HPCA: variants seen among roughly 807,000 people sequenced by gnomAD.
HPCA encodes the protein neuron-specific calcium-binding protein hippocalcin.
A neutral mutation model predicts 18.2 loss-of-function variants in HPCA; 4 were observed. That is an observed-to-expected ratio of 0.22 (90% CI 0.11 to 0.50). The LOEUF (loss-of-function observed/expected upper bound fraction) is 0.50, where lower values mean the gene tolerates loss of function less well. Ranked by LOEUF, HPCA falls within the 20% of genes least tolerant of loss-of-function variation. The probability of loss-of-function intolerance (pLI) is 0.97; values close to 1 mark genes in which losing one functional copy is unlikely to be tolerated. For missense variants in HPCA, 161 were observed against 265.8 expected, an observed-to-expected ratio of 0.61 and a Z score of 2.74; for synonymous variants, 93 against 103.5, an observed-to-expected ratio of 0.90 and a Z score of 0.61.
Position 32,886,634 on chromosome 1 carries a change from C to A in HPCA, c.-22+119C>A, listed in dbSNP as rs1557538244. On this transcript the variant is annotated intron_variant, in intron 1 of 3. Coordinates refer to ENST00000373467, the MANE Select transcript of HPCA (RefSeq NM_002143.3). This position sits in a 1 kb window ranked among gnomAD's most constrained non-coding sequence, Gnocchi z 7.0. ...TCCCGGGCTTCCCGGGAATCCTTGC[C>A]CCGGGTGGCGGGGGCGCTGGGGACT... is the stretch of plus-strand genomic sequence containing the variant. 6.6e-6 allele frequency: 1 copy of A among 152,232 alleles called. No homozygotes were observed. Among genetic ancestry groups the A allele is most frequent in the Admixed American group, 6.5e-5 (1 of 15,292 alleles). The allele number at this position is 152,232 out of a possible 1,614,324, so 9.4% of individuals were successfully genotyped here. A position where few individuals can be genotyped will look rare whatever the true frequency, so the allele number is the denominator to read the frequency against.
At chr1:32,888,702 G>C (rs140034353) in intron 1 of HPCA, among the ~76,000 whole-genome samples, 176 bp from the exon 2 acceptor site, 13 of 152,266 alleles carry the variant, frequency 8.5e-5, no homozygotes, top group Non-Finnish European at 1.9e-4. Context: ...GTGGAGCATG[G>C]CATAGATACA....
chr1:32,894,346 T>A lies in HPCA; in HGVS notation c.*484T>A. 1 of 188,544 alleles carries A rather than the reference T, an allele frequency of 5.3e-6. No homozygotes were observed. Among genetic ancestry groups the A allele is most frequent in the South Asian group, 1.3e-4 (1 of 7,618 alleles). 11.7% of individuals were successfully genotyped at this position (188,544 alleles called of 1,614,324 possible). A position where few individuals can be genotyped will look rare whatever the true frequency, so the allele number is the denominator to read the frequency against. ...TAGGCCAAGCCACCAAGTGAAACCT[T>A]CCAGGATACTAGCCCGCCAGCTGTG... On this transcript the variant is annotated 3_prime_UTR_variant, in exon 4 of 4. Coordinates refer to ENST00000373467, the MANE Select transcript of HPCA (RefSeq NM_002143.3).
rs911569002 is a variant in HPCA at position 32,894,641 on chromosome 1, A to G, written c.*779A>G. 4.0e-5 allele frequency: 33 copies of G among 816,058 alleles called. No individual in the cohort carries two copies. The highest frequency in any genetic ancestry group is 6.1e-5 in the Non-Finnish European group (32 of 525,664). The allele number at this position is 816,058 out of a possible 1,614,324, so 50.6% of individuals were successfully genotyped here. ...TAATTTCAGAATAAAGTCTCATTTCAGTGCAGTGGGCTGGGTGGTGGGGGA... is the reference window on the plus strand; with the variant it reads ...TAATTTCAGAATAAAGTCTCATTTCGGTGCAGTGGGCTGGGTGGTGGGGGA... On this transcript the variant is annotated 3_prime_UTR_variant, in exon 4 of 4. Coordinates refer to ENST00000373467, the MANE Select transcript of HPCA (RefSeq NM_002143.3).
chr1:32,892,724 G>A (rs1371116058), intron 2 of HPCA, among the ~76,000 whole-genome samples: 1 of 152,196 alleles, frequency 6.6e-6, no homozygotes, highest in African/African-American at 2.4e-5. Flanking sequence ...GATGGGAGAA[G>A]GGAGGCTTCT....
chr1:32,890,469 A>G (rs149115496), intron 2 of HPCA, among the ~76,000 whole-genome samples: 2 of 152,330 alleles, frequency 1.3e-5, no homozygotes, highest in East Asian at 3.9e-4. Flanking sequence ...TTTCACCTGT[A>G]AAGTGGGGGT....
intron 2 of HPCA, among the ~76,000 whole-genome samples, chr1:32,892,998 G>A (rs1486892428): frequency 2.0e-5 from 3 of 151,740 alleles, no homozygotes; most frequent in Admixed American, 6.6e-5. Context: ...CCGCCCCTCT[G>A]GGCCCAGCTG....
Position 32,893,654 on chromosome 1 carries a change from T to G in HPCA, c.484+25T>G, listed in dbSNP as rs890774466. 6.9e-7 allele frequency: 1 copy of G among 1,443,696 alleles called. No homozygotes were observed. The highest frequency in any genetic ancestry group is 1.7e-5 in the Admixed American group (1 of 59,548). 89.4% of individuals were successfully genotyped at this position (1,443,696 alleles called of 1,614,324 possible). A position where few individuals can be genotyped will look rare whatever the true frequency, so the allele number is the denominator to read the frequency against. Reference sequence around the variant, plus strand: ...GGTGAGGGGCAGGGGCGGGACGGGGTGGACGGGGCGGGCGCCTTTCCCTCC... The same window carrying G: ...GGTGAGGGGCAGGGGCGGGACGGGGGGGACGGGGCGGGCGCCTTTCCCTCC... On this transcript the variant is annotated intron_variant, in intron 3 of 3. Transcript: ENST00000373467. The surrounding 1 kb of genome is among the most constrained non-coding windows in gnomAD (Gnocchi z 7.5).
Position 32,889,342 on chromosome 1 carries a change from T to A in HPCA, c.378+66T>A. The A allele has an allele frequency of 6.6e-7, 1 of 1,520,342 alleles. No homozygotes were observed. Among genetic ancestry groups the A allele is most frequent in the Non-Finnish European group, 8.9e-7 (1 of 1,126,164 alleles). The allele number at this position is 1,520,342 out of a possible 1,614,324, so 94.2% of individuals were successfully genotyped here. On this transcript the variant is annotated intron_variant, in intron 2 of 3. Coordinates refer to ENST00000373467, the MANE Select transcript of HPCA (RefSeq NM_002143.3). The surrounding 1 kb of genome is among the most constrained non-coding windows in gnomAD (Gnocchi z 4.6). The stretch of plus-strand genomic sequence containing the variant: ...GGCAGCTTGCACCCACCACCCCTTT[T>A]GATCCTCTCAGCAGACCTCGTAGGC...
At chr1:32,892,614 G>A (rs959982105) in intron 2 of HPCA, among the ~76,000 whole-genome samples, 1 of 152,160 alleles carries the variant, frequency 6.6e-6, no homozygotes, top group Non-Finnish European at 1.5e-5. Context: ...TGTTCGGAAA[G>A]AGCTTTCAGA....
chr1:32,889,321 G>T lies in HPCA; in HGVS notation c.378+45G>T. On this transcript the variant is annotated intron_variant, in intron 2 of 3. Coordinates refer to ENST00000373467, the MANE Select transcript of HPCA (RefSeq NM_002143.3). This position sits in a 1 kb window ranked among gnomAD's most constrained non-coding sequence, Gnocchi z 4.6. The stretch of plus-strand genomic sequence containing the variant: ...AGAATGCCAGGCACAGGGCCCGGCA[G>T]CTTGCACCCACCACCCCTTTTGATC... 1 of 1,562,534 alleles carries T rather than the reference G, an allele frequency of 6.4e-7. No homozygotes were observed.
At position 32,893,822 on chromosome 1, in the gene HPCA, G is replaced by T. The variant is rs745544301; in HGVS notation, c.542G>T (p.Arg181Leu). The T allele has an allele frequency of 1.3e-6, 2 of 1,579,548 alleles. No individual in the cohort carries two copies. The highest frequency in any genetic ancestry group is 1.7e-6 in the Non-Finnish European group (2 of 1,163,562). Residue 181 changes from arginine (R) to leucine (L), a missense_variant, in exon 4 of 4, where the codon CGT becomes CTT. Arg to Leu is a moderately radical substitution (Grantham distance 102, BLOSUM62 -2). Transcript: ENST00000373467. This position sits in a 1 kb window ranked among gnomAD's most constrained non-coding sequence, Gnocchi z 7.5. ...RGAKSDPSIV[R>L]LLQCDPSSAS... ...GCCAAAAGCGACCCGTCCATCGTGCGTCTGCTGCAGTGCGACCCCAGCAGC... is the reference window on the plus strand; with the variant it reads ...GCCAAAAGCGACCCGTCCATCGTGCTTCTGCTGCAGTGCGACCCCAGCAGC...
chr1:32,891,984 C>T (rs1380216051), intron 2 of HPCA, among the ~76,000 whole-genome samples: 5 of 152,202 alleles, frequency 3.3e-5, no homozygotes, highest in Non-Finnish European at 7.3e-5. Context: ...AAATGGGGAT[C>T]ATGATACCTG....
rs113013134 is a variant in HPCA at position 32,894,504 on chromosome 1, G to A, written c.*642G>A. The A allele has an allele frequency of 1.6e-4, 65 of 395,242 alleles. No individual in the cohort carries two copies. Among genetic ancestry groups the A allele is most frequent in the Non-Finnish European group, 2.9e-4 (62 of 212,006 alleles). 24.5% of individuals were successfully genotyped at this position (395,242 alleles called of 1,614,324 possible). ...ATGCACCCAGAGCCCCATGCACAGT[G>A]TCCTGCGTGGGAAAGAGACACGGTC... On this transcript the variant is annotated 3_prime_UTR_variant, in exon 4 of 4. Transcript: ENST00000373467.
chr1:32,893,714 C>A lies in HPCA; in HGVS notation c.485-51C>A. The A allele has an allele frequency of 6.6e-7, 1 of 1,515,158 alleles. No homozygotes were observed. The highest frequency in any genetic ancestry group is 2.4e-5 in the East Asian group (1 of 41,940). The allele number at this position is 1,515,158 out of a possible 1,614,324, so 93.9% of individuals were successfully genotyped here. Reference sequence around the variant, plus strand: ...TGCCTCCCTTTCCCGCTCCGCCTCCCCTCGCTAGGCTGCCGCCTCCTCCCC... The same window carrying A: ...TGCCTCCCTTTCCCGCTCCGCCTCCACTCGCTAGGCTGCCGCCTCCTCCCC... On this transcript the variant is annotated intron_variant, in intron 3 of 3. Transcript: ENST00000373467. This position sits in a 1 kb window ranked among gnomAD's most constrained non-coding sequence, Gnocchi z 7.5.
chr1:32,888,922 G>A lies in HPCA; in HGVS notation c.24G>A (p.Leu8=). 1 of 1,613,174 alleles carries A rather than the reference G, an allele frequency of 6.2e-7. No homozygotes were observed. The highest frequency in any genetic ancestry group is 2.2e-5 in the East Asian group (1 of 44,874). Residue 8 remains leucine, a synonymous_variant, in exon 2 of 4, where the codon CTG becomes CTA. Coordinates refer to ENST00000373467, the MANE Select transcript of HPCA (RefSeq NM_002143.3). The part of the protein sequence containing the change: MGKQNSK[L]RPEMLQDLRE... Reference sequence around the variant, plus strand: ...CCATGGGCAAGCAGAACAGCAAGCTGCGGCCCGAGATGTTGCAGGACCTGC... The same window carrying A: ...CCATGGGCAAGCAGAACAGCAAGCTACGGCCCGAGATGTTGCAGGACCTGC...
upstream of HPCA, among the ~76,000 whole-genome samples, chr1:32,886,281 A>T (rs1466746887): frequency 1.3e-5 from 2 of 151,182 alleles, no homozygotes; most frequent in African/African-American, 4.9e-5. The surrounding 1 kb of genome is among the most constrained non-coding windows in gnomAD (Gnocchi z 7.0). Flanking sequence ...TGCTCCCTCG[A>T]GGGGGACCGG....
At chr1:32,890,518 G>A (rs1474894705) in intron 2 of HPCA, among the ~76,000 whole-genome samples, 1 of 152,244 alleles carries the variant, frequency 6.6e-6, no homozygotes, top group Non-Finnish European at 1.5e-5. Context: ...CAGGGATAGA[G>A]TGAGATAAGG....
intron 2 of HPCA, among the ~76,000 whole-genome samples, chr1:32,891,104 C>T (rs960972165): frequency 5.3e-5 from 8 of 152,228 alleles, no homozygotes; most frequent in African/African-American, 1.4e-4. Flanking sequence ...CCACCACGCC[C>T]GGGTGTCAGT....
chr1:32,891,694 A>G (rs1641455335), intron 2 of HPCA, among the ~76,000 whole-genome samples: 1 of 152,214 alleles, frequency 6.6e-6, no homozygotes, highest in South Asian at 2.1e-4. Context: ...ACAGTTAGTG[A>G]GTAGTTCAAC....
Sources: gnomAD v4.1 joint callset for allele counts (sites outside exome capture counted in the v4.1 genomes callset) on GRCh38, gnomAD v4.1.1 for gene constraint, Gnocchi (gnomAD v3.1) non-coding constraint, MANE v1.5 for transcripts, NCBI Gene and HGNC (gene_info 2026-07-23, HGNC 2026-07-21) for gene names.